Variants in ASS1 observed in about 807,000 individuals in gnomAD.
ASS1 encodes the protein argininosuccinate synthase 1.
A neutral mutation model predicts 60.5 loss-of-function variants in ASS1; 58 were observed. That is an observed-to-expected ratio of 0.96 (90% CI 0.78 to 1.19). The LOEUF is 1.19. ASS1 is among the 50% of genes most tolerant of loss of function. ASS1 has a pLI of 0.00. For synonymous variants in ASS1, 200 were observed against 206.9 expected, an observed-to-expected ratio of 0.97 and a Z score of 0.29; for missense variants, 454 against 547.3, an observed-to-expected ratio of 0.83 and a Z score of 1.70.
intron 11 of ASS1, among the ~76,000 whole-genome samples, chr9:130,481,010 T>G (rs1846159641): frequency 6.6e-6 from 1 of 152,226 alleles, no homozygotes; most frequent in African/African-American, 2.4e-5. Context: ...TGAGCTTCAG[T>G]GTGACATGCC....
At chr9:130,485,137 C>A (rs1846277170) in intron 11 of ASS1, among the ~76,000 whole-genome samples, 1 of 152,178 alleles carries the variant, frequency 6.6e-6, no homozygotes, top group African/African-American at 2.4e-5. Context: ...GGACCTTGGA[C>A]AAGTCACAGC....
intron 11 of ASS1, among the ~76,000 whole-genome samples, chr9:130,486,834 C>T (rs927288825): frequency 1.3e-5 from 2 of 152,234 alleles, no homozygotes; most frequent in Non-Finnish European, 2.9e-5. Context: ...GAGAGGTTCC[C>T]TTCTGCCCAG....
At chr9:130,450,220 T>C (rs1845296837) in intron 1 of ASS1, 1 of 974,810 alleles carries the variant, frequency 1.0e-6, no homozygotes, top group Non-Finnish European at 1.2e-6. Flanking sequence ...GTTTAGGGCC[T>C]CTGGGATGGC....
intron 3 of ASS1, among the ~76,000 whole-genome samples, chr9:130,457,842 A>C (rs1845481128): frequency 6.6e-6 from 1 of 152,186 alleles, no homozygotes; most frequent in Admixed American, 6.5e-5. Context: ...AGCCACATCC[A>C]GTTTCACAGA....
At position 130,494,838 on chromosome 9, in the gene ASS1, C is replaced by CT. The variant is rs751913372; in HGVS notation, c.971-28dup. The CT allele has an allele frequency of 1.2e-6, 2 of 1,613,050 alleles. No individual in the cohort carries two copies. The highest frequency in any genetic ancestry group is 2.7e-5 in the African/African-American group (2 of 74,916). On this transcript the variant is annotated intron_variant, in intron 12 of 14. Transcript: ENST00000352480. The surrounding 1 kb of genome is among the most constrained non-coding windows in gnomAD (Gnocchi z 4.3). ...TGTCCTCGCGGTGCAGGAGGCCTCC[C>CT]TAGTGGTATCCTGTTTTCCTCCCTG...
At chr9:130,463,447 C>T (rs1406836637) in intron 4 of ASS1, among the ~76,000 whole-genome samples, 10 of 152,166 alleles carry the variant, frequency 6.6e-5, no homozygotes, top group Non-Finnish European at 1.5e-4. Context: ...GGCAACCTGC[C>T]CGAGGGGGTG....
chr9:130,479,598 T>G, intron 9 of ASS1, 118 bp from the exon 10 acceptor site: 1 of 828,682 alleles, frequency 1.2e-6, no homozygotes. Flanking sequence ...TCATTTGGAG[T>G]CCATATCTGT....
chr9:130,462,056 C>T (rs1349725123), intron 4 of ASS1, among the ~76,000 whole-genome samples: 1 of 152,140 alleles, frequency 6.6e-6, no homozygotes, highest in African/African-American at 2.4e-5. Flanking sequence ...AGAAATTGAG[C>T]CGCACTCTCC....
chr9:130,492,091 C>T (rs1350541645), intron 12 of ASS1, among the ~76,000 whole-genome samples: 4 of 152,228 alleles, frequency 2.6e-5, no homozygotes, highest in African/African-American at 9.6e-5. Flanking sequence ...ATTTGTAAAG[C>T]ACCTGGAACA....
At position 130,489,242 on chromosome 9, in the gene ASS1, ATTATT is replaced by A; in HGVS notation, c.839-88_839-84del. 1 of 1,228,412 alleles carries A rather than the reference ATTATT, an allele frequency of 8.1e-7. No homozygotes were observed. The allele number at this position is 1,228,412 out of a possible 1,614,324, so 76.1% of individuals were successfully genotyped here. A position where few individuals can be genotyped will look rare whatever the true frequency, so the allele number is the denominator to read the frequency against. Reference sequence around the variant, plus strand: ...TCCTGTCAGACGACTCATTATTATTATTATTTTTTTTTTTGTCATTTGCTGACAGT... The same window carrying A: ...TCCTGTCAGACGACTCATTATTATTATTTTTTTTTGTCATTTGCTGACAGT... On this transcript the variant is annotated intron_variant, in intron 11 of 14. Transcript: ENST00000352480. The surrounding 1 kb of genome is among the most constrained non-coding windows in gnomAD (Gnocchi z 4.1).
chr9:130,450,409 T>C, intron 1 of ASS1: 1 of 928,952 alleles, frequency 1.1e-6, no homozygotes, highest in Non-Finnish European at 1.3e-6. Context: ...ATTGCCTGGC[T>C]GCAGTTGCCA....
chr9:130,498,232 T>A lies in ASS1; in HGVS notation c.1128-1273T>A, dbSNP rs1846652023. On this transcript the variant is annotated intron_variant, in intron 13 of 14. Transcript: ENST00000352480. ...AGCCTCAGGGTCTCAAAGCAGCAGATCCTCCTGCCTCCCAACACCGACCCC... is the reference window on the plus strand; with the variant it reads ...AGCCTCAGGGTCTCAAAGCAGCAGAACCTCCTGCCTCCCAACACCGACCCC... Among the ~76,000 whole-genome samples, 3 of 152,124 alleles carry A rather than the reference T, an allele frequency of 2.0e-5. No individual in the cohort carries two copies. The South Asian group carries it at 6.2e-4, about 32-fold the overall frequency.
At position 130,450,341 on chromosome 9, in the gene ASS1, C is replaced by T. The variant is rs12004384; in HGVS notation, c.-5-1883C>T. The T allele has an allele frequency of 2.5e-3, 2,483 of 987,336 alleles. 38 individuals are homozygous for T. The African/African-American group carries it at 0.035, about 14-fold the overall frequency. The allele number at this position is 987,336 out of a possible 1,614,324, so 61.2% of individuals were successfully genotyped here. A position where few individuals can be genotyped will look rare whatever the true frequency, so the allele number is the denominator to read the frequency against. On this transcript the variant is annotated intron_variant, in intron 1 of 14. Coordinates refer to ENST00000352480, the MANE Select transcript of ASS1 (RefSeq NM_054012.4). The stretch of plus-strand genomic sequence containing the variant: ...TCACGCCTCCAATCCCAGGTACTGC[C>T]CACCTTAAGTCCTCCCTGCCTGCCT...
chr9:130,466,857 C>T (rs899495253), intron 6 of ASS1, 58 bp downstream of exon 6: 150 of 1,574,402 alleles, frequency 9.5e-5, no homozygotes, highest in East Asian at 7.4e-4. Flanking sequence ...TTCCCGGGCA[C>T]GTCCCTGCTG....
chr9:130,457,332 G>A (rs534247486), intron 3 of ASS1, among the ~76,000 whole-genome samples: 3 of 152,296 alleles, frequency 2.0e-5, no homozygotes, highest in Admixed American at 1.3e-4. Flanking sequence ...TTAGCCGGGC[G>A]TGGTAGCACA....
chr9:130,481,298 G>T (rs1171039007), intron 11 of ASS1, among the ~76,000 whole-genome samples: 1 of 152,134 alleles, frequency 6.6e-6, no homozygotes, highest in Non-Finnish European at 1.5e-5. Flanking sequence ...TCCTAAGAGG[G>T]AAAGAGCAAG....
chr9:130,482,923 A>G (rs1846206870), intron 11 of ASS1, among the ~76,000 whole-genome samples: 1 of 152,248 alleles, frequency 6.6e-6, no homozygotes, highest in Non-Finnish European at 1.5e-5. Flanking sequence ...TCTGACGGCA[A>G]GAACTTGCTG....
At chr9:130,465,056 A>ATATATATATATATTTTTTTTTTTTTTTT (rs1479147331) in intron 5 of ASS1, among the ~76,000 whole-genome samples, 18 of 120,122 alleles carry the variant, frequency 1.5e-4, no homozygotes, top group African/African-American at 5.8e-4. Context: ...ATATATATAT[A>ATATATATATATATTTTTTTTTTTTTTTT]TTTTTTTTTT....
At chr9:130,454,039 G>A (rs1328368685) in intron 2 of ASS1, among the ~76,000 whole-genome samples, 1 of 152,378 alleles carries the variant, frequency 6.6e-6, no homozygotes, top group East Asian at 1.9e-4. Flanking sequence ...CCAGCAGCCT[G>A]TGTGGCCAGG....
Sources: allele counts gnomAD v4.1 joint callset (sites outside exome capture counted in the v4.1 genomes callset), GRCh38; gene constraint gnomAD v4.1.1; non-coding constraint Gnocchi (gnomAD v3.1); transcripts MANE v1.5; gene names NCBI Gene and HGNC (gene_info 2026-07-23, HGNC 2026-07-21).